Variants in CDH13 observed in about 807,000 individuals in gnomAD.
CDH13 encodes the protein cadherin 13, also known as cadherin-13.
In CDH13, 24 loss-of-function variants were observed where a neutral mutation model predicts 63.8. The ratio of observed to expected loss-of-function variants is 0.38; its 90% CI spans 0.27 to 0.53. The LOEUF (loss-of-function observed/expected upper bound fraction) is 0.53, where lower values mean the gene tolerates loss of function less well. Ranked by LOEUF, CDH13 falls within the 20% of genes least tolerant of loss-of-function variation. The probability of loss-of-function intolerance (pLI) is 0.85; values close to 1 mark genes in which losing one functional copy is unlikely to be tolerated. For synonymous variants in CDH13, 503 were observed against 355.3 expected (o/e 1.42, Z -4.67); for missense variants, 1,049 against 903.1 (o/e 1.16, Z -2.07).
chr16:83,380,774 C>T (rs1385267284), intron 6 of CDH13, among the ~76,000 whole-genome samples: 1 of 151,932 alleles, frequency 6.6e-6, no homozygotes, highest in African/African-American at 2.4e-5. Flanking sequence ...ATCACATGGC[C>T]ATGTAACTGC....
intron 4 of CDH13, among the ~76,000 whole-genome samples, chr16:83,207,088 C>G (rs141203395): frequency 2.4e-4 from 37 of 152,300 alleles, no homozygotes; most frequent in African/African-American, 8.7e-4. Flanking sequence ...ATGTGGCCTA[C>G]AAAGAGAAAA....
intron 5 of CDH13, among the ~76,000 whole-genome samples, chr16:83,255,598 T>C (rs1597604060): frequency 6.6e-6 from 1 of 152,320 alleles, no homozygotes; most frequent in East Asian, 1.9e-4. Context: ...GGCCCAAACA[T>C]CAATGTCTCA....
chr16:83,769,643 G>C (rs1216025534), intron 11 of CDH13, among the ~76,000 whole-genome samples: 1 of 152,150 alleles, frequency 6.6e-6, no homozygotes, highest in Non-Finnish European at 1.5e-5. Context: ...TGCCTTCCTG[G>C]GCAGAAATAA....
At chr16:83,051,950 T>A (rs187807403) in intron 3 of CDH13, among the ~76,000 whole-genome samples, 1 of 152,188 alleles carries the variant, frequency 6.6e-6, no homozygotes, top group Non-Finnish European at 1.5e-5. Flanking sequence ...TTTTTGTTGT[T>A]AACTTTGTCC....
chr16:83,693,100 A>G (rs909469019), intron 10 of CDH13, among the ~76,000 whole-genome samples: 4 of 152,126 alleles, frequency 2.6e-5, no homozygotes, highest in African/African-American at 9.7e-5. Context: ...AAAAGAAAAG[A>G]AAAGTACATA....
At chr16:83,402,986 A>G (rs955946968) in intron 6 of CDH13, among the ~76,000 whole-genome samples, 1 of 152,122 alleles carries the variant, frequency 6.6e-6, no homozygotes, top group African/African-American at 2.4e-5. Flanking sequence ...GCTGCTTCTT[A>G]AAGCATGTCT....
intron 6 of CDH13, among the ~76,000 whole-genome samples, chr16:83,406,154 G>T (rs889325722): frequency 6.6e-6 from 1 of 152,168 alleles, no homozygotes; most frequent in African/African-American, 2.4e-5. Flanking sequence ...CAATGCCCAG[G>T]CCCCTGTCTA....
intron 6 of CDH13, among the ~76,000 whole-genome samples, chr16:83,410,889 T>C (rs945914408): frequency 1.3e-5 from 2 of 152,160 alleles, no homozygotes; most frequent in Non-Finnish European, 2.9e-5. Context: ...GCTCCAGGTA[T>C]TGAAACATCA....
At chr16:82,994,351 T>C (rs183967244) in intron 2 of CDH13, among the ~76,000 whole-genome samples, 144 of 152,282 alleles carry the variant, frequency 9.5e-4, no homozygotes, top group African/African-American at 3.3e-3. Context: ...GATTCCATGT[T>C]GCTCTCTGAT....
intron 1 of CDH13, among the ~76,000 whole-genome samples, chr16:82,636,600 G>A (rs1389339009): frequency 1.3e-5 from 2 of 152,166 alleles, no homozygotes; most frequent in Non-Finnish European, 2.9e-5. Context: ...CAATCGCTTT[G>A]CCAATGCTAA....
Position 82,927,053 on chromosome 16 carries a change from T to G in CDH13, c.157+68580T>G, listed in dbSNP as rs144873726. 1.6e-3 allele frequency among the ~76,000 whole-genome samples: 236 copies of G among 152,216 alleles called. 3 individuals are homozygous for G. In the East Asian group the frequency reaches 0.037, roughly 24 times the overall value. On this transcript the variant is annotated intron_variant, in intron 2 of 13. Transcript: ENST00000567109. ...CTCAATAGCTGGAGGTTGGGCTCCT[T>G]TATTCATTCCTTAATGTGCTTGGTG...
intron 7 of CDH13, among the ~76,000 whole-genome samples, chr16:83,599,589 T>C (rs1907588427): frequency 6.6e-6 from 1 of 152,160 alleles, no homozygotes; most frequent in Non-Finnish European, 1.5e-5. Context: ...TATTTAAAAT[T>C]GTCAACATTT....
chr16:83,757,935 C>G (rs1327021572), intron 11 of CDH13, among the ~76,000 whole-genome samples: 5 of 152,032 alleles, frequency 3.3e-5, no homozygotes, highest in African/African-American at 1.2e-4. Context: ...TGAGACCAGC[C>G]TGGCCAACAT....
chr16:83,650,469 T>C (rs2150819007), intron 8 of CDH13, among the ~76,000 whole-genome samples: 1 of 152,340 alleles, frequency 6.6e-6, no homozygotes, highest in South Asian at 2.1e-4. Context: ...GCTTGTGGGC[T>C]GCCGTACACA....
At chr16:83,122,261 T>C (rs2035616982) in intron 3 of CDH13, among the ~76,000 whole-genome samples, 2 of 152,242 alleles carry the variant, frequency 1.3e-5, no homozygotes. Context: ...TTTTTACCTG[T>C]AAGATGAAGA....
intron 7 of CDH13, among the ~76,000 whole-genome samples, chr16:83,518,695 T>C (rs1279801912): frequency 1.3e-5 from 2 of 151,370 alleles, no homozygotes; most frequent in Admixed American, 1.3e-4. Flanking sequence ...ATGGTCTCGA[T>C]CTCCTGACCT....
At chr16:83,140,991 A>G (rs2036506951) in intron 4 of CDH13, among the ~76,000 whole-genome samples, 1 of 152,238 alleles carries the variant, frequency 6.6e-6, no homozygotes, top group Admixed American at 6.5e-5. Context: ...TTTCACATCC[A>G]TTCTCATTTG....
At chr16:82,785,588 A>T (rs574162448) in intron 1 of CDH13, among the ~76,000 whole-genome samples, 1 of 152,334 alleles carries the variant, frequency 6.6e-6, no homozygotes, top group Non-Finnish European at 1.5e-5. Flanking sequence ...AACATATACC[A>T]TCTGGCTCAA....
chr16:83,284,089 A>G (rs2089250252), intron 5 of CDH13, among the ~76,000 whole-genome samples: 1 of 152,234 alleles, frequency 6.6e-6, no homozygotes, highest in African/African-American at 2.4e-5. Context: ...CACAGTAGTT[A>G]GCTTCACAGA....
Sources: gnomAD v4.1 joint callset for allele counts (sites outside exome capture counted in the v4.1 genomes callset) on GRCh38, gnomAD v4.1.1 for gene constraint, MANE v1.5 for transcripts, NCBI Gene and HGNC (gene_info 2026-07-23, HGNC 2026-07-21) for gene names.